CCDC3: variants seen among roughly 807,000 people sequenced by gnomAD.
CCDC3 encodes the protein coiled-coil domain-containing protein 3.
Under a neutral mutation model 21.4 loss-of-function variants are expected in CCDC3, and 24 were observed. The ratio of observed to expected loss-of-function variants is 1.12; its 90% CI spans 0.81 to 1.58. CCDC3 has a LOEUF of 1.58. Among genes scored for constraint, CCDC3 ranks in the 40% most tolerant of loss-of-function variants. The pLI is 0.00. For missense variants in CCDC3, 425 were observed against 360.9 expected, an observed-to-expected ratio of 1.18 and a Z score of -1.44; for synonymous variants, 186 against 166.0, an observed-to-expected ratio of 1.12 and a Z score of -0.93.
intron 4 of CCDC3, chr10:13,058,039 C>T: frequency 1.3e-6 from 1 of 742,204 alleles, no homozygotes; most frequent in Non-Finnish European, 2.5e-6. Flanking sequence ...CTTCATCTTC[C>T]TCCATTAAGT....
intron 2 of CCDC3, among the ~76,000 whole-genome samples, chr10:12,993,363 G>C (rs908088662): frequency 1.3e-5 from 2 of 152,148 alleles, no homozygotes; most frequent in East Asian, 1.9e-4. Flanking sequence ...TGGCAGAGCC[G>C]ATCAAGGTCT....
intron 2 of CCDC3, among the ~76,000 whole-genome samples, chr10:12,965,640 TA>T (rs1489477257): frequency 6.6e-6 from 1 of 152,256 alleles, no homozygotes; most frequent in African/African-American, 2.4e-5. Context: ...AGTACATCTT[TA>T]AAAACCAAGT....
chr10:13,048,325 G>A (rs1478410452), intron 5 of CCDC3, among the ~76,000 whole-genome samples: 1 of 152,038 alleles, frequency 6.6e-6, no homozygotes, highest in East Asian at 1.9e-4. Flanking sequence ...CCTAGTAGCA[G>A]GGACTACAGG....
intron 5 of CCDC3, among the ~76,000 whole-genome samples, chr10:13,038,702 G>T (rs1588400338): frequency 6.6e-6 from 1 of 152,218 alleles, no homozygotes; most frequent in Admixed American, 6.5e-5. Flanking sequence ...CTCAGGGTCT[G>T]CAGATTAGAA....
At chr10:12,938,713 C>G (rs145257214) in intron 2 of CCDC3, among the ~76,000 whole-genome samples, 1 of 152,290 alleles carries the variant, frequency 6.6e-6, no homozygotes, top group Non-Finnish European at 1.5e-5. Context: ...TCTGATTGCT[C>G]GTGCCTTCAC....
At chr10:13,074,530 A>G (rs1035890875) in intron 3 of CCDC3, among the ~76,000 whole-genome samples, 1 of 150,930 alleles carries the variant, frequency 6.6e-6, no homozygotes. Context: ...CTTTTAATCC[A>G]AGGTCCCAGC....
At chr10:13,034,289 C>T (rs1390147785) in intron 5 of CCDC3, among the ~76,000 whole-genome samples, 1 of 132,588 alleles carries the variant, frequency 7.5e-6, no homozygotes, top group East Asian at 2.2e-4. Flanking sequence ...GGGAATTGAA[C>T]AATGAGAACA....
chr10:12,904,130 C>A (rs1194716900), intron 2 of CCDC3, among the ~76,000 whole-genome samples: 3 of 152,014 alleles, frequency 2.0e-5, no homozygotes, highest in Non-Finnish European at 4.4e-5. Flanking sequence ...GAGGGAGCAT[C>A]TGGTGGTTCC....
rs1243977068 is a variant in CCDC3, at chr10:13,050,002, C to T, written c.-269-61G>A. On this transcript the variant is annotated intron_variant, in intron 4 of 6. Transcript: ENST00000378839. ...CTCAAGGGTGCTTTCTGATCCAAAC[C>T]CACAATGTGACATAAATCTGTCATT... The T allele has an allele frequency of 2.0e-5, 3 of 152,160 alleles. No individual in the cohort carries two copies. In the South Asian group the frequency reaches 6.2e-4, roughly 32 times the overall value. 9.4% of individuals were successfully genotyped at this position (152,160 alleles called of 1,614,324 possible).
intron 2 of CCDC3, among the ~76,000 whole-genome samples, chr10:12,941,551 T>C (rs1834831492): frequency 6.6e-6 from 1 of 152,166 alleles, no homozygotes; most frequent in Non-Finnish European, 1.5e-5. Context: ...GTTGCATGTA[T>C]ATTAATGTAC....
intron 5 of CCDC3, among the ~76,000 whole-genome samples, chr10:13,039,872 A>G (rs1836427534): frequency 6.6e-6 from 1 of 151,078 alleles, no homozygotes; most frequent in Non-Finnish European, 1.5e-5. Flanking sequence ...GGTGACATAC[A>G]GTGGGCAGGA....
At chr10:12,973,069 G>A (rs181922318) in intron 2 of CCDC3, among the ~76,000 whole-genome samples, 24 of 152,178 alleles carry the variant, frequency 1.6e-4, no homozygotes, top group Non-Finnish European at 2.6e-4. Context: ...AGGACAATGT[G>A]GCAGCTACCA....
chr10:13,042,781 C>T (rs1236172219), intron 5 of CCDC3, among the ~76,000 whole-genome samples: 6 of 151,614 alleles, frequency 4.0e-5, no homozygotes, highest in African/African-American at 1.5e-4. Context: ...TGGTGGCGGG[C>T]GCCTGTAGTC....
chr10:13,088,794 A>G (rs1837143050), intron 3 of CCDC3, among the ~76,000 whole-genome samples: 1 of 152,190 alleles, frequency 6.6e-6, no homozygotes, highest in Admixed American at 6.5e-5. Context: ...AGGCCAAGGC[A>G]GGAGGATCAC....
rs888013137 is a variant in CCDC3 at position 12,898,107 on chromosome 10, T to G, written c.*309A>C. On this transcript the variant is annotated 3_prime_UTR_variant, in exon 3 of 3. Coordinates refer to ENST00000378825, the MANE Select transcript of CCDC3 (RefSeq NM_031455.4). ...TTACACTAGAGATTCTAAAATGTTC[T>G]CTCCCCAGTCAGGGCTCTTTCTGGG... The G allele has an allele frequency of 3.2e-5, 12 of 378,082 alleles. No homozygotes were observed. The highest frequency in any genetic ancestry group is 5.7e-5 in the Non-Finnish European group (12 of 209,866). The allele number at this position is 378,082 out of a possible 1,614,324, so 23.4% of individuals were successfully genotyped here. A position where few individuals can be genotyped will look rare whatever the true frequency, so the allele number is the denominator to read the frequency against.
At chr10:13,076,555 C>CT (rs1836966965) in intron 3 of CCDC3, among the ~76,000 whole-genome samples, 1 of 152,176 alleles carries the variant, frequency 6.6e-6, no homozygotes, top group South Asian at 2.1e-4. Flanking sequence ...GACTAACTTC[C>CT]TTCAAGCCTC....
chr10:13,036,145 A>C (rs1297494932), intron 5 of CCDC3, among the ~76,000 whole-genome samples: 1 of 151,810 alleles, frequency 6.6e-6, no homozygotes, highest in Non-Finnish European at 1.5e-5. Context: ...TCTGTCTCAA[A>C]AAACAAACAA....
At chr10:12,968,629 G>A (rs923356993) in intron 2 of CCDC3, among the ~76,000 whole-genome samples, 7 of 152,132 alleles carry the variant, frequency 4.6e-5, no homozygotes, top group Admixed American at 4.6e-4. Flanking sequence ...TTTATCTTTA[G>A]TATGAAGGTT....
intron 2 of CCDC3, among the ~76,000 whole-genome samples, chr10:12,982,241 G>A (rs1297433607): frequency 6.6e-6 from 1 of 150,756 alleles, no homozygotes; most frequent in African/African-American, 2.4e-5. Context: ...AAATGAGCCA[G>A]TCATAGAAAG....
Sources: gnomAD v4.1 joint callset for allele counts (sites outside exome capture counted in the v4.1 genomes callset) on GRCh38, gnomAD v4.1.1 for gene constraint, MANE v1.5 for transcripts, NCBI Gene and HGNC (gene_info 2026-07-23, HGNC 2026-07-21) for gene names.